TIMP2: variants seen among roughly 807,000 people sequenced by gnomAD.
The protein encoded by TIMP2 is TIMP metallopeptidase inhibitor 2, also known as metalloproteinase inhibitor 2.
A neutral mutation model predicts 24.3 loss-of-function variants in TIMP2; 5 were observed. The ratio of observed to expected loss-of-function variants is 0.21; its 90% CI spans 0.11 to 0.43. TIMP2 has a LOEUF of 0.43. Among genes scored for constraint, TIMP2 ranks in the 20% least tolerant of loss-of-function variants. TIMP2 has a pLI of 1.00. For missense variants in TIMP2, 221 were observed against 297.5 expected (o/e 0.74, Z 1.89); for synonymous variants, 130 against 123.2 (o/e 1.06, Z -0.37).
At chr17:78,919,617 G>A (rs754993428) in intron 1 of TIMP2, among the ~76,000 whole-genome samples, 2 of 152,142 alleles carry the variant, frequency 1.3e-5, no homozygotes, top group East Asian at 1.9e-4. Context: ...GGCGGATCAC[G>A]AGGTCAGGAG....
At position 78,855,297 on chromosome 17, in the gene TIMP2, C is replaced by T. The variant is rs1394231919; in HGVS notation, c.*370G>A. 1 of 307,774 alleles carries T rather than the reference C, an allele frequency of 3.2e-6. No individual in the cohort carries two copies. The highest frequency in any genetic ancestry group is 2.1e-5 in the African/African-American group (1 of 47,368). 19.1% of individuals were successfully genotyped at this position (307,774 alleles called of 1,614,324 possible). On this transcript the variant is annotated 3_prime_UTR_variant, in exon 5 of 5. Coordinates refer to ENST00000262768, the MANE Select transcript of TIMP2 (RefSeq NM_003255.5). The surrounding 1 kb of genome is among the most constrained non-coding windows in gnomAD (Gnocchi z 6.0). Reference sequence around the variant, plus strand: ...GACCCTCAAAAGTTTCTGCAAAATGCACATTTCCAGGCCCTGCCCTAACCC... The same window carrying T: ...GACCCTCAAAAGTTTCTGCAAAATGTACATTTCCAGGCCCTGCCCTAACCC...
rs7215038 is a variant in TIMP2, at chr17:78,894,201, C to G, written c.131-20282G>C. ...TGAGATACGAAGCTCCTACCCCCCC[C>G]GGTTCACAGACAGGGAAACTGAGGC... is the stretch of plus-strand genomic sequence containing the variant. On this transcript the variant is annotated intron_variant, in intron 1 of 4. Coordinates refer to ENST00000262768, the MANE Select transcript of TIMP2 (RefSeq NM_003255.5). Among the ~76,000 whole-genome samples the G allele has an allele frequency of 3.3e-5, 5 of 152,030 alleles. No homozygotes were observed. In the East Asian group the frequency reaches 7.7e-4, roughly 24 times the overall value.
At chr17:78,881,491 G>A (rs2069779980) in intron 1 of TIMP2, among the ~76,000 whole-genome samples, 1 of 152,238 alleles carries the variant, frequency 6.6e-6, no homozygotes, top group South Asian at 2.1e-4. Context: ...GAAGACCAGT[G>A]GCCACTGCAT....
chr17:78,878,001 C>A (rs775285113), intron 1 of TIMP2, among the ~76,000 whole-genome samples: 1 of 152,144 alleles, frequency 6.6e-6, no homozygotes, highest in Non-Finnish European at 1.5e-5. Context: ...CTACCGCGCC[C>A]GGCCTTGGAG....
At chr17:78,923,769 A>T (rs1375604387) in intron 1 of TIMP2, among the ~76,000 whole-genome samples, 2 of 151,674 alleles carry the variant, frequency 1.3e-5, no homozygotes. Flanking sequence ...GCAACTGAAA[A>T]CTTCCCCAGC....
intron 1 of TIMP2, among the ~76,000 whole-genome samples, chr17:78,889,321 T>C (rs561628833): frequency 1.3e-5 from 2 of 152,338 alleles, no homozygotes; most frequent in African/African-American, 4.8e-5. Flanking sequence ...GGGAGGAAAC[T>C]GATCAAACAC....
intron 3 of TIMP2, among the ~76,000 whole-genome samples, chr17:78,869,424 AAAAAC>A (rs2069652226): frequency 6.6e-6 from 1 of 151,914 alleles, no homozygotes; most frequent in Non-Finnish European, 1.5e-5. Context: ...CAAAAAAAAA[AAAAAC>A]AAACCAAAAA....
At chr17:78,888,430 G>A (rs954523326) in intron 1 of TIMP2, among the ~76,000 whole-genome samples, 1 of 151,700 alleles carries the variant, frequency 6.6e-6, no homozygotes, top group Non-Finnish European at 1.5e-5. Context: ...AACGTGCTGG[G>A]ATTACAGGTG....
intron 3 of TIMP2, among the ~76,000 whole-genome samples, chr17:78,863,388 G>T (rs937345067): frequency 6.6e-6 from 1 of 151,988 alleles, no homozygotes; most frequent in African/African-American, 2.4e-5. Flanking sequence ...GACTGCAGGC[G>T]CCCGCCACCA....
chr17:78,859,434 C>T (rs144955945), intron 3 of TIMP2, among the ~76,000 whole-genome samples: 16 of 151,710 alleles, frequency 1.1e-4, no homozygotes, highest in South Asian at 1.0e-3. Context: ...CTGAGGTGGG[C>T]GGATCACTTG....
chr17:78,899,747 C>T (rs905815248), intron 1 of TIMP2: 7 of 152,282 alleles, frequency 4.6e-5, no homozygotes, highest in African/African-American at 1.7e-4. Flanking sequence ...ATGGACACAC[C>T]CCCTTCCCCA....
Position 78,906,332 on chromosome 17 carries a change from C to A in TIMP2, c.130+18627G>T, listed in dbSNP as rs185927805. ...GCAGTGAGCTAAGATCATGCCACTG[C>A]ACTCCAGCCTGAGTGACAGAGCAAG... On this transcript the variant is annotated intron_variant, in intron 1 of 4. Coordinates refer to ENST00000262768, the MANE Select transcript of TIMP2 (RefSeq NM_003255.5). 1.1e-3 allele frequency among the ~76,000 whole-genome samples: 165 copies of A among 152,226 alleles called. No individual in the cohort carries two copies. The Middle Eastern group carries it at 0.027, about 25-fold the overall frequency.
At position 78,892,204 on chromosome 17, in the gene TIMP2, C is replaced by T. The variant is rs1452352190; in HGVS notation, c.131-18285G>A. The T allele has an allele frequency of 5.8e-6, 9 of 1,550,910 alleles. No homozygotes were observed. The African/African-American group carries it at 6.8e-5, about 12-fold the overall frequency. On this transcript the variant is annotated intron_variant, in intron 1 of 4. Coordinates refer to ENST00000262768, the MANE Select transcript of TIMP2 (RefSeq NM_003255.5). ...GCTGGAGCTGGTAGTTTTTCCACAG[C>T]TTGGCATCCGCTCTTCTCTGCAGAG...
intron 1 of TIMP2, among the ~76,000 whole-genome samples, chr17:78,886,731 C>CT (rs199996827): frequency 3.3e-4 from 50 of 151,742 alleles, no homozygotes; most frequent in African/African-American, 1.2e-3. Context: ...TTTTCTTCTT[C>CT]TTTTTTTTTC....
chr17:78,893,529 TTA>T (rs56786455), intron 1 of TIMP2, among the ~76,000 whole-genome samples: 13,156 of 148,864 alleles, frequency 0.088, 1,759 homozygotes, highest in African/African-American at 0.31. Context: ...GCACATCTGT[TTA>T]TGTTTCTGTG....
chr17:78,911,935 AC>A (rs2070212654), intron 1 of TIMP2, among the ~76,000 whole-genome samples: 1 of 150,118 alleles, frequency 6.7e-6, no homozygotes, highest in African/African-American at 2.5e-5. Context: ...ATGGTGGCAC[AC>A]GCCTGAAATC....
At chr17:78,867,689 G>A (rs958800564) in intron 3 of TIMP2, among the ~76,000 whole-genome samples, 1 of 149,062 alleles carries the variant, frequency 6.7e-6, no homozygotes, top group Non-Finnish European at 1.5e-5. Context: ...TCCGCCTCCC[G>A]GGTTCACGCC....
chr17:78,858,779 C>T (rs2069545456), intron 3 of TIMP2, among the ~76,000 whole-genome samples: 1 of 152,182 alleles, frequency 6.6e-6, no homozygotes, highest in Non-Finnish European at 1.5e-5. Context: ...CCCACTTTGG[C>T]CTCCCAAAGT....
intron 3 of TIMP2, among the ~76,000 whole-genome samples, chr17:78,870,454 T>G (rs1217885544): frequency 2.7e-5 from 4 of 146,696 alleles, no homozygotes; most frequent in African/African-American, 7.6e-5. Context: ...AGAAAGAAAA[T>G]GGTTAATTAA....
Sources: gnomAD v4.1 joint callset for allele counts (sites outside exome capture counted in the v4.1 genomes callset) on GRCh38, gnomAD v4.1.1 for gene constraint, Gnocchi (gnomAD v3.1) non-coding constraint, MANE v1.5 for transcripts, NCBI Gene and HGNC (gene_info 2026-07-23, HGNC 2026-07-21) for gene names.